DHX40: variants seen among roughly 807,000 people sequenced by gnomAD.
DHX40 encodes DEAH-box helicase 40.
In DHX40, 28 loss-of-function variants were observed where a neutral mutation model predicts 89.6. That is an observed-to-expected ratio of 0.31 (90% CI 0.23 to 0.43). The LOEUF (loss-of-function observed/expected upper bound fraction) is 0.43. Among genes scored for constraint, DHX40 ranks in the 20% least tolerant of loss-of-function variants. The probability of loss-of-function intolerance (pLI) is 1.00; values close to 1 mark genes in which losing one functional copy is unlikely to be tolerated. For missense variants in DHX40, 457 were observed against 844.0 expected, an observed-to-expected ratio of 0.54 and a Z score of 5.68; for synonymous variants, 226 against 283.6, an observed-to-expected ratio of 0.80 and a Z score of 2.04.
Position 59,570,674 on chromosome 17 carries a change from C to A in DHX40, c.426+11C>A. On this transcript the variant is annotated intron_variant, in intron 3 of 17. Coordinates refer to ENST00000251241, the MANE Select transcript of DHX40 (RefSeq NM_024612.5). ...GATTGCAGTTCTAAGGTACAAAAGT[C>A]TTGTTGGTATTTGTTTCTTTTCTTT... is the stretch of plus-strand genomic sequence containing the variant. The A allele has an allele frequency of 6.3e-7, 1 of 1,598,694 alleles. No individual in the cohort carries two copies. The highest frequency in any genetic ancestry group is 8.5e-7 in the Non-Finnish European group (1 of 1,172,472).
intron 4 of DHX40, among the ~76,000 whole-genome samples, 184 bp downstream of exon 4, chr17:59,573,419 T>C (rs1383856764): frequency 5.9e-5 from 9 of 152,150 alleles, no homozygotes; most frequent in Non-Finnish European, 1.0e-4. Flanking sequence ...ACCCTTGAAC[T>C]CCTGGGCTCA....
At chr17:59,601,854 C>T (rs1394366293) in intron 14 of DHX40, among the ~76,000 whole-genome samples, 2 of 152,172 alleles carry the variant, frequency 1.3e-5, no homozygotes, top group Non-Finnish European at 2.9e-5. Flanking sequence ...CAGTGCAGGG[C>T]TAGTTATTCC....
At chr17:59,591,781 C>G (rs78720721) in intron 12 of DHX40, among the ~76,000 whole-genome samples, 14,348 of 151,692 alleles carry the variant, frequency 0.095, 1,552 homozygotes, top group East Asian at 0.47. Context: ...AAGCATTGTG[C>G]TCCCTTACCA....
intron 12 of DHX40, among the ~76,000 whole-genome samples, chr17:59,591,213 G>T (rs1354203598): frequency 2.6e-5 from 4 of 151,590 alleles, no homozygotes; most frequent in African/African-American, 4.9e-5. Context: ...GGCTGAGGCG[G>T]AGAATTGCTT....
chr17:59,589,027 T>G, intron 12 of DHX40, among the ~76,000 whole-genome samples: 1 of 152,142 alleles, frequency 6.6e-6, no homozygotes, highest in Non-Finnish European at 1.5e-5. Flanking sequence ...TGTATCTTGT[T>G]CCATTTATCT....
chr17:59,569,717 A>C (rs1348314966), intron 2 of DHX40, among the ~76,000 whole-genome samples: 1 of 145,194 alleles, frequency 6.9e-6, no homozygotes, highest in African/African-American at 2.5e-5. Flanking sequence ...ATATCTATAT[A>C]TATATATAGA....
chr17:59,577,660 A>G (rs1170575654), intron 8 of DHX40, among the ~76,000 whole-genome samples: 32 of 151,638 alleles, frequency 2.1e-4, no homozygotes, highest in Non-Finnish European at 7.4e-5. Context: ...GTGCAGTCAT[A>G]GCACACTACA....
chr17:59,594,723 C>T (rs2029909687), intron 12 of DHX40, among the ~76,000 whole-genome samples: 1 of 152,092 alleles, frequency 6.6e-6, no homozygotes, highest in Non-Finnish European at 1.5e-5. Context: ...ACTGCGTAGG[C>T]TGTCATTATC....
Position 59,598,856 on chromosome 17 carries a change from GT to G in DHX40, c.1697+6del. The G allele has an allele frequency of 8.2e-7, 1 of 1,224,138 alleles. No individual in the cohort carries two copies. The highest frequency in any genetic ancestry group is 1.2e-6 in the Non-Finnish European group (1 of 827,254). The allele number at this position is 1,224,138 out of a possible 1,614,324, so 75.8% of individuals were successfully genotyped here. A position where few individuals can be genotyped will look rare whatever the true frequency, so the allele number is the denominator to read the frequency against. On this transcript the variant is annotated splice_donor_region_variant and intron_variant, in intron 13 of 17. Transcript: ENST00000251241. ...CTTTGAACAATGCAAATCAAGGTAT[GT>G]AAGGTAGTCCTTTGTCCTGAAAAAT...
chr17:59,568,227 C>CA (rs968618261), intron 2 of DHX40, among the ~76,000 whole-genome samples: 7 of 151,042 alleles, frequency 4.6e-5, no homozygotes, highest in African/African-American at 9.7e-5. Context: ...GACTCTGTGT[C>CA]AAAAAAAATA....
intron 2 of DHX40, 36 bp downstream of exon 2, chr17:59,566,830 T>A (rs371605827): frequency 3.3e-6 from 5 of 1,532,896 alleles, no homozygotes; most frequent in African/African-American, 1.4e-5. Flanking sequence ...GGAAATATTT[T>A]AAAAATATCC....
At chr17:59,597,954 C>T (rs955123004) in intron 12 of DHX40, among the ~76,000 whole-genome samples, 10 of 140,482 alleles carry the variant, frequency 7.1e-5, no homozygotes, top group Non-Finnish European at 1.2e-4. Flanking sequence ...AAAAAAAAAA[C>T]CTCCTGGGCT....
rs1248095512 is a variant in DHX40 at position 59,570,658 on chromosome 17, T to A, written c.421T>A (p.Ser141Thr). 4 of 1,606,888 alleles carry A rather than the reference T, an allele frequency of 2.5e-6. No individual in the cohort carries two copies. The highest frequency in any genetic ancestry group is 3.4e-6 in the Non-Finnish European group (4 of 1,176,698). The change falls in exon 3 of 18, where the codon TCT (serine) becomes ACT (threonine). Residue 141 changes from serine (S) to threonine (T), a missense_variant. Coordinates refer to ENST00000251241, the MANE Select transcript of DHX40 (RefSeq NM_024612.5). ...CCAAGTTCGTTTTGATGATTGCAGT[T>A]CTAAGGTACAAAAGTCTTGTTGGTA... ...GYQVRFDDCSSKETAIKYMTD... is the reference protein window; with the variant it reads ...GYQVRFDDCSTKETAIKYMTD...
At position 59,598,874 on chromosome 17, in the gene DHX40, C is replaced by G. The variant is rs2030292144; in HGVS notation, c.1697+23C>G. On this transcript the variant is annotated intron_variant, in intron 13 of 17. Coordinates refer to ENST00000251241, the MANE Select transcript of DHX40 (RefSeq NM_024612.5). ...AAGGTATGTAAGGTAGTCCTTTGTCCTGAAAAATGTCAATTTGATGTATAG... is the reference window on the plus strand; with the variant it reads ...AAGGTATGTAAGGTAGTCCTTTGTCGTGAAAAATGTCAATTTGATGTATAG... 2.2e-6 allele frequency: 3 copies of G among 1,344,148 alleles called. No homozygotes were observed. In the Admixed American group the frequency reaches 5.1e-5, roughly 23 times the overall value. 83.3% of individuals were successfully genotyped at this position (1,344,148 alleles called of 1,614,324 possible).
chr17:59,605,265 A>G, intron 16 of DHX40, 81 bp downstream of exon 16: 2 of 1,437,178 alleles, frequency 1.4e-6, no homozygotes, highest in Non-Finnish European at 1.9e-6. Context: ...TCTACTTTTC[A>G]CTTTGGAGTT....
rs368283900 is a variant in DHX40 at position 59,586,790 on chromosome 17, AATG to A, written c.1424+560_1424+562del. Among the ~76,000 whole-genome samples, 27 of 152,292 alleles carry A rather than the reference AATG, an allele frequency of 1.8e-4. No homozygotes were observed. In the East Asian group the frequency reaches 4.8e-3, roughly 27 times the overall value. ...CTAAGCATTATGCTGGATACATAAA[AATG>A]ATAAGAGAGCCAGAGTCCTTGTTTT... On this transcript the variant is annotated intron_variant, in intron 11 of 17. Coordinates refer to ENST00000251241, the MANE Select transcript of DHX40 (RefSeq NM_024612.5).
intron 12 of DHX40, among the ~76,000 whole-genome samples, chr17:59,597,934 CAAAA>C (rs776094146): frequency 3.0e-3 from 167 of 56,578 alleles, no homozygotes; most frequent in African/African-American, 9.5e-3. Flanking sequence ...GACTCCGTCT[CAAAA>C]AAAAAAAAAA....
At chr17:59,589,347 G>C (rs1172887019) in intron 12 of DHX40, among the ~76,000 whole-genome samples, 1 of 144,470 alleles carries the variant, frequency 6.9e-6, no homozygotes, top group African/African-American at 2.6e-5. Flanking sequence ...TCAGCCTCCC[G>C]AGTAGCTGGG....
intron 2 of DHX40, among the ~76,000 whole-genome samples, 186 bp from the exon 3 acceptor site, chr17:59,570,332 A>C (rs2048788641): frequency 1.4e-5 from 2 of 142,206 alleles, no homozygotes; most frequent in Non-Finnish European, 3.0e-5. Flanking sequence ...CATGGTTATT[A>C]ATATGTATTA....
Sources: gnomAD v4.1 joint callset for allele counts (sites outside exome capture counted in the v4.1 genomes callset) on GRCh38, gnomAD v4.1.1 for gene constraint, MANE v1.5 for transcripts, NCBI Gene and HGNC (gene_info 2026-07-23, HGNC 2026-07-21) for gene names.